The following DPY19L2 variants were observed in gnomAD, a reference collection of about 807,000 sequenced individuals.
The protein encoded by DPY19L2 is probable C-mannosyltransferase DPY19L2.
In DPY19L2, 34 loss-of-function variants were observed where a neutral mutation model predicts 97.9. That is an observed-to-expected ratio of 0.35 (90% confidence interval 0.26 to 0.46). DPY19L2 has a LOEUF of 0.46. Among genes scored for constraint, DPY19L2 ranks in the 20% least tolerant of loss-of-function variants. The pLI is 1.00. For synonymous variants in DPY19L2, 230 were observed against 307.9 expected (o/e 0.75, Z 2.65); for missense variants, 623 against 911.4 (o/e 0.68, Z 4.07).
intron 13 of DPY19L2, among the ~76,000 whole-genome samples, chr12:63,599,409 A>T: frequency 6.6e-6 from 1 of 152,124 alleles, no homozygotes; most frequent in Non-Finnish European, 1.5e-5. Flanking sequence ...AAACTAATAA[A>T]CCACCATGCA....
At chr12:63,585,402 T>C (rs1463072282) in intron 16 of DPY19L2, among the ~76,000 whole-genome samples, 1 of 152,140 alleles carries the variant, frequency 6.6e-6, no homozygotes, top group Non-Finnish European at 1.5e-5. Context: ...CAAATTATTC[T>C]ATGTCCCTTG....
chr12:63,625,335 T>C (rs1365162271), intron 7 of DPY19L2, among the ~76,000 whole-genome samples: 1 of 151,646 alleles, frequency 6.6e-6, no homozygotes, highest in African/African-American at 2.4e-5. Flanking sequence ...AGACAGAGGT[T>C]GCAGTGAGCT....
At chr12:63,648,281 AG>A (rs1893705236) in intron 4 of DPY19L2, among the ~76,000 whole-genome samples, 1 of 152,106 alleles carries the variant, frequency 6.6e-6, no homozygotes, top group African/African-American at 2.4e-5. Context: ...TAAATTACCT[AG>A]TCTCAGATAC....
Position 63,575,892 on chromosome 12 carries a change from C to G in DPY19L2, c.1900+4770G>C, listed in dbSNP as rs148156267. Among the ~76,000 whole-genome samples the G allele has an allele frequency of 2.1e-3, 314 of 151,998 alleles. 1 individual carries two copies. The highest frequency in any genetic ancestry group is 7.3e-3 in the African/African-American group (304 of 41,510). ...AAGAAGAACTAATATCAATCCTACT[C>G]TAACGATTCCAGGAAATAGAGGAAG... On this transcript the variant is annotated intron_variant, in intron 19 of 21. Coordinates refer to ENST00000324472, the MANE Select transcript of DPY19L2 (RefSeq NM_173812.5).
At position 63,591,998 on chromosome 12, in the gene DPY19L2, G is replaced by A. The variant is rs1205089944; in HGVS notation, c.1580+2089C>T. On this transcript the variant is annotated intron_variant, in intron 16 of 21. Coordinates refer to ENST00000324472, the MANE Select transcript of DPY19L2 (RefSeq NM_173812.5). ...AAAGAGGGGAAGGGAAGGGAAGGGA[G>A]GGGAAGGGAGGGGAGGGGAGGGGAG... 5.5e-3 allele frequency among the ~76,000 whole-genome samples: 111 copies of A among 20,016 alleles called. 1 individual carries two copies. Among genetic ancestry groups the A allele is most frequent in the African/African-American group, 0.031 (103 of 3,324 alleles). 13.1% of individuals were successfully genotyped at this position (20,016 alleles called of 152,430 possible).
intron 16 of DPY19L2, chr12:63,590,879 A>T: frequency 3.3e-6 from 1 of 301,634 alleles, no homozygotes; most frequent in South Asian, 2.9e-5. Context: ...TCACTTTCAA[A>T]TATGTAATCA....
intron 12 of DPY19L2, among the ~76,000 whole-genome samples, chr12:63,607,525 A>G (rs1886257744): frequency 6.6e-6 from 1 of 152,190 alleles, no homozygotes; most frequent in South Asian, 2.1e-4. Flanking sequence ...ACCATAAAGG[A>G]TGGGAGAATG....
rs376046493 is a variant in DPY19L2 at position 63,668,401 on chromosome 12, G to T, written c.-8C>A. On this transcript the variant is annotated 5_prime_UTR_variant, in exon 1 of 22. Transcript: ENST00000324472. ...TACTCCTTGTTTTCTCATAATCAAG[G>T]AGTATGGTGGAGCTGGGTCAATTTC... 2.5e-6 allele frequency: 4 copies of T among 1,594,422 alleles called. No individual in the cohort carries two copies. The African/African-American group carries it at 5.4e-5, about 21-fold the overall frequency.
intron 15 of DPY19L2, 136 bp from the exon 16 acceptor site, chr12:63,594,269 C>A: frequency 3.3e-6 from 2 of 612,882 alleles, no homozygotes; most frequent in Non-Finnish European, 5.5e-6. Flanking sequence ...AGGAACAGGA[C>A]GGTCATACTA....
chr12:63,634,149 C>A (rs1256011331), intron 6 of DPY19L2, among the ~76,000 whole-genome samples: 4 of 152,080 alleles, frequency 2.6e-5, no homozygotes, highest in Non-Finnish European at 5.9e-5. Flanking sequence ...ACCAACATGG[C>A]ACATGCATAC....
chr12:63,650,744 T>C (rs1318668057), intron 4 of DPY19L2, among the ~76,000 whole-genome samples: 1 of 152,158 alleles, frequency 6.6e-6, no homozygotes, highest in Non-Finnish European at 1.5e-5. Context: ...AGATTCAATA[T>C]TGTTAAAATC....
chr12:63,649,731 C>A (rs1352303949), intron 4 of DPY19L2, among the ~76,000 whole-genome samples: 1 of 152,136 alleles, frequency 6.6e-6, no homozygotes, highest in Non-Finnish European at 1.5e-5. Flanking sequence ...GACTTCACAG[C>A]CAAATTCTAC....
At chr12:63,620,000 C>T in intron 9 of DPY19L2, 1 of 455,726 alleles carries the variant, frequency 2.2e-6, no homozygotes, top group South Asian at 1.6e-5. Context: ...ACATGCAGCA[C>T]CAATTGAGCT....
chr12:63,631,848 T>G (rs1196793963), intron 6 of DPY19L2, among the ~76,000 whole-genome samples: 2 of 152,008 alleles, frequency 1.3e-5, no homozygotes, highest in Non-Finnish European at 2.9e-5. Context: ...CAGCAGCACA[T>G]CAAAAAGCTT....
intron 19 of DPY19L2, among the ~76,000 whole-genome samples, chr12:63,571,958 G>A (rs1312289124): frequency 6.6e-6 from 1 of 152,156 alleles, no homozygotes; most frequent in East Asian, 1.9e-4. Context: ...CATTGGAGAG[G>A]AGGTGGAGCA....
At chr12:63,637,252 A>G (rs1891883798) in intron 6 of DPY19L2, among the ~76,000 whole-genome samples, 1 of 152,176 alleles carries the variant, frequency 6.6e-6, no homozygotes, top group Non-Finnish European at 1.5e-5. Flanking sequence ...ACAAAGATAC[A>G]ACATACCAGA....
At chr12:63,645,936 C>T (rs1304512422) in intron 5 of DPY19L2, among the ~76,000 whole-genome samples, 1 of 152,066 alleles carries the variant, frequency 6.6e-6, no homozygotes, top group African/African-American at 2.4e-5. Flanking sequence ...CCAGTGCACC[C>T]CTTTCATGAT....
chr12:63,565,932 A>T (rs1478494467), intron 21 of DPY19L2, among the ~76,000 whole-genome samples: 1 of 152,154 alleles, frequency 6.6e-6, no homozygotes, highest in African/African-American at 2.4e-5. Context: ...GCATTATAAA[A>T]CATAGTCATT....
chr12:63,574,698 T>C (rs1450196037), intron 19 of DPY19L2, among the ~76,000 whole-genome samples: 3 of 151,704 alleles, frequency 2.0e-5, no homozygotes, highest in South Asian at 2.1e-4. Flanking sequence ...ACAAAAACTA[T>C]AAAAAGAGAC....
Sources: gnomAD v4.1 joint callset for allele counts (sites outside exome capture counted in the v4.1 genomes callset) on GRCh38, gnomAD v4.1.1 for gene constraint, MANE v1.5 for transcripts, NCBI Gene and HGNC (gene_info 2026-07-23, HGNC 2026-07-21) for gene names.